PCDH15: variants seen among roughly 807,000 people sequenced by gnomAD.
The protein encoded by PCDH15 is protocadherin-15.
In PCDH15, 129 loss-of-function variants were observed where a neutral mutation model predicts 178.5. The ratio of observed to expected loss-of-function variants is 0.72; its 90% confidence interval spans 0.63 to 0.84. PCDH15 has a LOEUF of 0.84. PCDH15 is among the 40% of genes least tolerant of loss of function. The pLI, the probability that PCDH15 is intolerant of heterozygous loss-of-function variation, is 0.00. For missense variants in PCDH15, 2,230 were observed against 2,099.9 expected (o/e 1.06, Z -1.21); for synonymous variants, 800 against 732.0 (o/e 1.09, Z -1.50).
chr10:55,044,032 T>C (rs1470643150), intron 2 of PCDH15, among the ~76,000 whole-genome samples: 5 of 152,172 alleles, frequency 3.3e-5, no homozygotes, highest in African/African-American at 9.6e-5. Context: ...GGACAGCCAC[T>C]ATCCATCAGC....
rs115289069 is a variant in PCDH15 at position 54,218,627 on chromosome 10, C to T, written c.986-4579G>A. 4.0e-3 allele frequency among the ~76,000 whole-genome samples: 607 copies of T among 152,262 alleles called. 5 individuals carry two copies. The highest frequency in any genetic ancestry group is 0.014 in the African/African-American group (564 of 41,556). On this transcript the variant is annotated intron_variant, in intron 9 of 37. Transcript: ENST00000644397. ...TCATCAAATACCAACCATGAAAGCACCTTGATCTCAGGCCTCCAGAACTGT... is the reference window on the plus strand; with the variant it reads ...TCATCAAATACCAACCATGAAAGCATCTTGATCTCAGGCCTCCAGAACTGT...
intron 18 of PCDH15, among the ~76,000 whole-genome samples, chr10:54,048,777 A>G (rs2093706881): frequency 6.6e-6 from 1 of 152,092 alleles, no homozygotes; most frequent in South Asian, 2.1e-4. Flanking sequence ...GGCTTGTAGT[A>G]TAGTTTGAAG....
Position 54,075,236 on chromosome 10 carries a change from G to C in PCDH15, c.2091+4095C>G, listed in dbSNP as rs12244901. ...CCTAAAACTCCAAAAAAATAGCCAG[G>C]CATGGTGGCAGGTGCCTGTAGTCCC... On this transcript the variant is annotated intron_variant, in intron 17 of 37. Coordinates refer to ENST00000644397, the MANE Select transcript of PCDH15 (RefSeq NM_001384140.1). 2.0e-5 allele frequency among the ~76,000 whole-genome samples: 3 copies of C among 152,054 alleles called. No individual in the cohort carries two copies. In the East Asian group the frequency reaches 5.8e-4, roughly 30 times the overall value.
intron 3 of PCDH15, among the ~76,000 whole-genome samples, chr10:54,816,879 T>C (rs1952957813): frequency 1.3e-5 from 2 of 152,058 alleles, no homozygotes; most frequent in South Asian, 4.1e-4. Flanking sequence ...TACATTGACC[T>C]TACAGGTCCC....
intron 21 of PCDH15, among the ~76,000 whole-genome samples, chr10:53,964,936 AATAATG>A (rs918077418): frequency 6.6e-6 from 1 of 152,202 alleles, no homozygotes; most frequent in African/African-American, 2.4e-5. Flanking sequence ...GCATTTGAAT[AATAATG>A]ATAATAACAA....
At chr10:55,390,330 G>A (rs1482843851) in intron 2 of PCDH15, among the ~76,000 whole-genome samples, 1 of 152,128 alleles carries the variant, frequency 6.6e-6, no homozygotes, top group Non-Finnish European at 1.5e-5. Context: ...TGATGATGAT[G>A]GCTGTTGACT....
At chr10:53,836,626 G>A (rs916563710) in intron 29 of PCDH15, among the ~76,000 whole-genome samples, 1 of 152,174 alleles carries the variant, frequency 6.6e-6, no homozygotes, top group Non-Finnish European at 1.5e-5. Context: ...AATAATTCCT[G>A]AATAGCTTTA....
intron 3 of PCDH15, among the ~76,000 whole-genome samples, chr10:54,383,722 CA>C (rs1259855940): frequency 1.6e-3 from 206 of 126,476 alleles, no homozygotes; most frequent in African/African-American, 2.1e-3. Context: ...TCTCCTCAAC[CA>C]AAAAAAAAAA....
At chr10:54,500,978 T>A (rs2080624678) in intron 3 of PCDH15, among the ~76,000 whole-genome samples, 1 of 151,866 alleles carries the variant, frequency 6.6e-6, no homozygotes, top group African/African-American at 2.4e-5. Flanking sequence ...CTCAGGAAAC[T>A]AACACAGGAA....
chr10:53,958,039 T>C (rs1252035761), intron 23 of PCDH15, among the ~76,000 whole-genome samples: 1 of 152,210 alleles, frequency 6.6e-6, no homozygotes, highest in Non-Finnish European at 1.5e-5. Context: ...ATGAAACTGC[T>C]TGGTTCAGTG....
At chr10:54,870,809 TA>T (rs11285623) in intron 3 of PCDH15, among the ~76,000 whole-genome samples, 145,672 of 151,040 alleles carry the variant, frequency 0.96, 70,453 homozygotes, top group East Asian at 1. Context: ...AATAAAAAAA[TA>T]AAAAAAAAAT....
At chr10:55,520,840 A>G (rs1477567517) in intron 2 of PCDH15, among the ~76,000 whole-genome samples, 1 of 151,962 alleles carries the variant, frequency 6.6e-6, no homozygotes, top group Non-Finnish European at 1.5e-5. Flanking sequence ...CAAAATGTGT[A>G]TATATTTAAG....
chr10:54,371,313 G>C (rs966414111), intron 4 of PCDH15, among the ~76,000 whole-genome samples: 3 of 151,738 alleles, frequency 2.0e-5, no homozygotes, highest in Non-Finnish European at 2.9e-5. Flanking sequence ...TGACAGCACT[G>C]TAAATGGGCT....
intron 2 of PCDH15, among the ~76,000 whole-genome samples, chr10:55,345,563 G>A (rs1282182510): frequency 6.6e-6 from 1 of 151,990 alleles, no homozygotes; most frequent in Non-Finnish European, 1.5e-5. Context: ...GAAAACATCA[G>A]CTAAAATTTA....
chr10:54,897,653 T>A (rs561408479), intron 2 of PCDH15, among the ~76,000 whole-genome samples: 1 of 152,178 alleles, frequency 6.6e-6, no homozygotes, highest in Non-Finnish European at 1.5e-5. Context: ...GTTTTATATG[T>A]TCTTACAGCC....
intron 2 of PCDH15, among the ~76,000 whole-genome samples, chr10:55,422,945 A>G (rs761210938): frequency 6.6e-6 from 1 of 151,934 alleles, no homozygotes; most frequent in Non-Finnish European, 1.5e-5. Flanking sequence ...TTGCTGATAC[A>G]CTTGTCAAGA....
At chr10:54,827,132 GC>G (rs914974462) in intron 3 of PCDH15, among the ~76,000 whole-genome samples, 2 of 152,062 alleles carry the variant, frequency 1.3e-5, no homozygotes, top group Non-Finnish European at 2.9e-5. Context: ...TGGCCAGATA[GC>G]CAGTTCACCT....
intron 1 of PCDH15, among the ~76,000 whole-genome samples, chr10:54,773,415 T>C (rs1270665943): frequency 1.3e-5 from 2 of 152,204 alleles, no homozygotes; most frequent in South Asian, 2.1e-4. Flanking sequence ...AAATGAAAGA[T>C]TTAAATTCTC....
At chr10:54,863,134 T>A (rs891901305) in intron 3 of PCDH15, among the ~76,000 whole-genome samples, 1 of 152,184 alleles carries the variant, frequency 6.6e-6, no homozygotes, top group Non-Finnish European at 1.5e-5. Flanking sequence ...TTATAGATAG[T>A]TTAAGTTATA....
Sources: gnomAD v4.1 joint callset for allele counts (sites outside exome capture counted in the v4.1 genomes callset) on GRCh38, gnomAD v4.1.1 for gene constraint, MANE v1.5 for transcripts, NCBI Gene and HGNC (gene_info 2026-07-23, HGNC 2026-07-21) for gene names.